MDGA2: variants seen among roughly 807,000 people sequenced by gnomAD.
MDGA2 encodes the protein MAM domain-containing glycosylphosphatidylinositol anchor protein 2.
MDGA2 carries 40 observed loss-of-function variants against 117.8 expected under a neutral mutation model. The observed-to-expected ratio is 0.34, with a 90% CI of 0.26 to 0.44. The LOEUF is 0.44. MDGA2 is among the 20% of genes least tolerant of loss of function. The pLI is 1.00. For missense variants in MDGA2, 1,123 were observed against 1,250.6 expected (o/e 0.90, Z 1.54); for synonymous variants, 452 against 439.0 (o/e 1.03, Z -0.37).
At chr14:47,591,481 G>A (rs1896437236) in intron 1 of MDGA2, among the ~76,000 whole-genome samples, 1 of 152,050 alleles carries the variant, frequency 6.6e-6, no homozygotes. Flanking sequence ...AAACCTGGCA[G>A]AGATACAACA....
chr14:47,394,079 C>T (rs1303236558), intron 1 of MDGA2, among the ~76,000 whole-genome samples: 1 of 151,992 alleles, frequency 6.6e-6, no homozygotes, highest in Non-Finnish European at 1.5e-5. Context: ...AATGAAAATG[C>T]CAGTTCATCA....
At chr14:47,449,886 T>A (rs971249654) in intron 1 of MDGA2, among the ~76,000 whole-genome samples, 3 of 152,140 alleles carry the variant, frequency 2.0e-5, no homozygotes, top group East Asian at 1.9e-4. Context: ...GTGAAAAAAA[T>A]TTTACATAGC....
chr14:47,008,223 G>A (rs1396168129), intron 8 of MDGA2, among the ~76,000 whole-genome samples: 4 of 151,842 alleles, frequency 2.6e-5, no homozygotes, highest in African/African-American at 9.7e-5. Context: ...GGTCCTCCGA[G>A]TAAATATGAA....
rs1380445082 is a variant in MDGA2 at position 46,869,158 on chromosome 14, G to C, written c.2752+4275C>G. Among the ~76,000 whole-genome samples the C allele has an allele frequency of 3.9e-5, 6 of 151,978 alleles. No individual in the cohort carries two copies. The East Asian group carries it at 1.2e-3, about 29-fold the overall frequency. On this transcript the variant is annotated intron_variant, in intron 14 of 16. Transcript: ENST00000399232. ...TTGCTTTCCCCCTGTTTACTCCATA[G>C]TGGAATTAGCTTTCTAGAGACACAA... is the stretch of plus-strand genomic sequence containing the variant.
intron 1 of MDGA2, among the ~76,000 whole-genome samples, chr14:47,403,692 C>A (rs1220862980): frequency 6.6e-6 from 1 of 152,114 alleles, no homozygotes; most frequent in African/African-American, 2.4e-5. Flanking sequence ...TTTGAATTTG[C>A]GTGCTTTAGC....
intron 10 of MDGA2, among the ~76,000 whole-genome samples, chr14:46,904,209 T>C (rs1883400645): frequency 6.6e-6 from 1 of 151,598 alleles, no homozygotes; most frequent in African/African-American, 2.4e-5. Flanking sequence ...ACTAAAAATA[T>C]TAAAAATTAA....
chr14:47,492,495 T>C (rs1225803589), intron 1 of MDGA2, among the ~76,000 whole-genome samples: 5 of 152,050 alleles, frequency 3.3e-5, no homozygotes, highest in African/African-American at 1.2e-4. Flanking sequence ...CATATAGATA[T>C]ACATATATAT....
intron 1 of MDGA2, among the ~76,000 whole-genome samples, chr14:47,648,381 T>C (rs2138263295): frequency 1.3e-5 from 2 of 152,270 alleles, no homozygotes; most frequent in African/African-American, 4.8e-5. Context: ...GGCATGATTA[T>C]AAATTCCCTT....
chr14:47,044,393 T>A (rs1889184120), intron 7 of MDGA2, among the ~76,000 whole-genome samples: 1 of 152,162 alleles, frequency 6.6e-6, no homozygotes, highest in Non-Finnish European at 1.5e-5. Context: ...ATTGAGTAAT[T>A]TGTCCACTCC....
At chr14:47,317,574 T>C (rs1420319263) in intron 1 of MDGA2, among the ~76,000 whole-genome samples, 1 of 152,108 alleles carries the variant, frequency 6.6e-6, no homozygotes, top group Non-Finnish European at 1.5e-5. Context: ...AAAAGCTTCC[T>C]GTAATGCTAG....
intron 8 of MDGA2, among the ~76,000 whole-genome samples, chr14:46,975,647 T>C (rs1288233548): frequency 6.6e-6 from 1 of 152,130 alleles, no homozygotes; most frequent in Non-Finnish European, 1.5e-5. Context: ...GAAGTTAAAC[T>C]TTTAGAGACA....
At chr14:47,217,785 CTTG>C (rs370016910) in intron 3 of MDGA2, among the ~76,000 whole-genome samples, 135 of 152,050 alleles carry the variant, frequency 8.9e-4, no homozygotes, top group African/African-American at 3.0e-3. Context: ...TTACTGTCTT[CTTG>C]TTAATATTGT....
At chr14:47,666,202 G>A (rs937327467) in intron 1 of MDGA2, among the ~76,000 whole-genome samples, 1 of 149,974 alleles carries the variant, frequency 6.7e-6, no homozygotes, top group Non-Finnish European at 1.5e-5. Flanking sequence ...TGGGGACTTG[G>A]AGAATCTTTA....
intron 5 of MDGA2, among the ~76,000 whole-genome samples, chr14:47,106,918 A>C (rs536700895): frequency 7.8e-6 from 1 of 128,462 alleles, no homozygotes; most frequent in South Asian, 2.3e-4. Context: ...CTTTTTAGTT[A>C]TCCCCACCTG....
At chr14:47,653,860 A>G (rs77634899) in intron 1 of MDGA2, among the ~76,000 whole-genome samples, 6,362 of 152,250 alleles carry the variant, frequency 0.042, 125 homozygotes, top group Middle Eastern at 0.068. Flanking sequence ...GCCAAGACAT[A>G]AAAGGAGGCT....
At chr14:47,000,312 G>A (rs1887456726) in intron 8 of MDGA2, among the ~76,000 whole-genome samples, 1 of 121,148 alleles carries the variant, frequency 8.3e-6, no homozygotes, top group African/African-American at 2.9e-5. Flanking sequence ...GTTCCAGACA[G>A]CTGTGAGTAT....
intron 9 of MDGA2, among the ~76,000 whole-genome samples, chr14:46,925,556 C>T (rs932278494): frequency 3.5e-5 from 5 of 141,866 alleles, no homozygotes; most frequent in African/African-American, 1.1e-4. Flanking sequence ...CACTTGAATA[C>T]GGGAGGCAGA....
chr14:47,001,121 C>T, intron 8 of MDGA2, among the ~76,000 whole-genome samples: 1 of 151,944 alleles, frequency 6.6e-6, no homozygotes, highest in East Asian at 1.9e-4. Context: ...TCTCTTTTAA[C>T]CTGTCAAATC....
intron 2 of MDGA2, among the ~76,000 whole-genome samples, chr14:47,280,495 T>A (rs1888451778): frequency 6.6e-6 from 1 of 152,074 alleles, no homozygotes; most frequent in African/African-American, 2.4e-5. Flanking sequence ...ATAGGTGTTT[T>A]ACTATGATTA....
Sources: allele counts gnomAD v4.1 joint callset (sites outside exome capture counted in the v4.1 genomes callset), GRCh38; gene constraint gnomAD v4.1.1; transcripts MANE v1.5; gene names NCBI Gene and HGNC (gene_info 2026-07-23, HGNC 2026-07-21).